The following CTNNA2 variants were observed in gnomAD, a reference collection of about 807,000 sequenced individuals.
CTNNA2 encodes the protein catenin alpha-2.
Under a neutral mutation model 101.0 loss-of-function variants are expected in CTNNA2, and 42 were observed. The observed-to-expected ratio is 0.42, with a 90% CI of 0.32 to 0.54. CTNNA2 has a LOEUF of 0.54. CTNNA2 is among the 20% of genes least tolerant of loss of function. CTNNA2 has a pLI of 0.14. For missense variants in CTNNA2, 871 were observed against 1,223.1 expected (o/e 0.71, Z 4.29); for synonymous variants, 450 against 456.4 (o/e 0.99, Z 0.18).
At position 79,286,361 on chromosome 2, in the gene CTNNA2, T is replaced by C. The variant is rs534139961; in HGVS notation, c.-405-26348T>C. Among the ~76,000 whole-genome samples the C allele has an allele frequency of 1.0e-3, 158 of 152,324 alleles. 1 individual carries two copies. The highest frequency in any genetic ancestry group is 3.6e-3 in the African/African-American group (149 of 41,568). On this transcript the variant is annotated intron_variant, in intron 2 of 21. Transcript: ENST00000466387. ...TTCTTCCTAGTCTTGATGGTCTTTATATTTTGGCATGATTTTGCAGCGGCT... is the reference window on the plus strand; with the variant it reads ...TTCTTCCTAGTCTTGATGGTCTTTACATTTTGGCATGATTTTGCAGCGGCT...
intron 7 of CTNNA2, among the ~76,000 whole-genome samples, chr2:80,153,495 G>A (rs574869091): frequency 2.4e-4 from 36 of 152,266 alleles, no homozygotes; most frequent in Admixed American, 8.5e-4. Context: ...CGTTGGCCTC[G>A]TTTGAAAGGA....
chr2:80,355,305 A>G (rs1219900720), intron 7 of CTNNA2, among the ~76,000 whole-genome samples: 4 of 152,210 alleles, frequency 2.6e-5, no homozygotes, highest in African/African-American at 4.8e-5. Flanking sequence ...AGATGTAAGC[A>G]GAAGCCATCT....
At chr2:79,605,397 A>G (rs1677819095) in intron 1 of CTNNA2, among the ~76,000 whole-genome samples, 2 of 152,178 alleles carry the variant, frequency 1.3e-5, no homozygotes, top group African/African-American at 4.8e-5. Flanking sequence ...TAATAGCTAG[A>G]AATATTCTGA....
At chr2:80,640,145 A>G (rs1381235157) in intron 18 of CTNNA2, among the ~76,000 whole-genome samples, 3 of 152,178 alleles carry the variant, frequency 2.0e-5, no homozygotes, top group Non-Finnish European at 4.4e-5. Flanking sequence ...ACAATATTTG[A>G]TAGCTAACAA....
intron 7 of CTNNA2, among the ~76,000 whole-genome samples, chr2:80,278,868 T>A (rs1014135650): frequency 6.6e-6 from 1 of 152,060 alleles, no homozygotes; most frequent in Non-Finnish European, 1.5e-5. Context: ...CTTGGAAAGC[T>A]GAGGCAGGAG....
chr2:80,258,189 T>G (rs1431974329), intron 7 of CTNNA2, among the ~76,000 whole-genome samples: 1 of 152,224 alleles, frequency 6.6e-6, no homozygotes, highest in Non-Finnish European at 1.5e-5. Flanking sequence ...GTTCTTTATG[T>G]CAGCTCTATG....
chr2:80,086,715 T>A (rs1026475418), intron 7 of CTNNA2, among the ~76,000 whole-genome samples: 2 of 125,032 alleles, frequency 1.6e-5, no homozygotes, highest in African/African-American at 6.0e-5. Context: ...ATGTGTAGAT[T>A]GGGGTGAAGC....
rs1303734343 is a variant in CTNNA2 at position 79,871,368 on chromosome 2, A to G, written c.585+1433A>G. On this transcript the variant is annotated intron_variant, in intron 5 of 18. Transcript: ENST00000402739. ...ATTCCTTGTTGAAAGGGAATCTTGT[A>G]TGGTAGCCCAATGTGTAATATAAAC... 3.3e-5 allele frequency among the ~76,000 whole-genome samples: 5 copies of G among 152,318 alleles called. No homozygotes were observed. In the East Asian group the frequency reaches 9.7e-4, roughly 29 times the overall value.
At chr2:79,688,588 A>G (rs1475324896) in intron 2 of CTNNA2, among the ~76,000 whole-genome samples, 1 of 152,110 alleles carries the variant, frequency 6.6e-6, no homozygotes, top group East Asian at 1.9e-4. Context: ...TTTGTTCCAG[A>G]TGAATTATCT....
chr2:79,441,196 G>A (rs1438368151), intron 4 of CTNNA2, among the ~76,000 whole-genome samples: 1 of 152,174 alleles, frequency 6.6e-6, no homozygotes, highest in Non-Finnish European at 1.5e-5. Context: ...TACAAGGAAT[G>A]TATGTTGCTG....
intron 3 of CTNNA2, among the ~76,000 whole-genome samples, chr2:79,852,363 A>G (rs899754963): frequency 7.2e-5 from 11 of 152,192 alleles, no homozygotes; most frequent in Admixed American, 5.9e-4. Context: ...GTAAATTACC[A>G]TGGAAGGTAT....
chr2:80,457,960 C>G (rs953043130), intron 9 of CTNNA2, among the ~76,000 whole-genome samples: 1 of 152,132 alleles, frequency 6.6e-6, no homozygotes, highest in African/African-American at 2.4e-5. Context: ...TTTAGTTCAT[C>G]GAACAGACTA....
intron 9 of CTNNA2, among the ~76,000 whole-genome samples, chr2:80,446,278 C>A (rs1436081014): frequency 6.6e-6 from 1 of 152,082 alleles, no homozygotes; most frequent in Non-Finnish European, 1.5e-5. Context: ...ATTCATTATG[C>A]CCCAGGTAAG....
At chr2:80,118,321 T>C (rs912264801) in intron 7 of CTNNA2, among the ~76,000 whole-genome samples, 4 of 152,224 alleles carry the variant, frequency 2.6e-5, no homozygotes, top group East Asian at 1.9e-4. Context: ...CAAGTCGTCA[T>C]TGGAATGGAG....
At chr2:79,540,162 G>C (rs1157796073) in intron 1 of CTNNA2, among the ~76,000 whole-genome samples, 1 of 152,082 alleles carries the variant, frequency 6.6e-6, no homozygotes, top group Non-Finnish European at 1.5e-5. Flanking sequence ...ATGAGTAAGA[G>C]AAAAAGGATC....
intron 7 of CTNNA2, among the ~76,000 whole-genome samples, chr2:80,365,332 A>G (rs557677927): frequency 2.0e-5 from 3 of 152,314 alleles, no homozygotes; most frequent in Non-Finnish European, 4.4e-5. Flanking sequence ...TTCACTGTTG[A>G]CATGCTGACA....
At chr2:79,893,990 TTTCTTCTTC>T (rs60336887) in intron 6 of CTNNA2, among the ~76,000 whole-genome samples, 8,027 of 114,648 alleles carry the variant, frequency 0.07, 421 homozygotes, top group Middle Eastern at 0.12. Flanking sequence ...CTTAGGCTGT[TTTCTTCTTC>T]TTCTTCTTCT....
intron 3 of CTNNA2, among the ~76,000 whole-genome samples, chr2:79,828,867 A>C (rs142932781): frequency 6.6e-6 from 1 of 152,292 alleles, no homozygotes; most frequent in East Asian, 1.9e-4. Flanking sequence ...GGTGATTCTG[A>C]TGCACTCTTA....
In CTNNA2 at chr2:79,874,232, CAGG is replaced by C; in HGVS notation, c.746_748del (p.Glu249del). On this transcript the variant is annotated inframe_deletion, in exon 6 of 19. Transcript: ENST00000402739. ...CCGAGATTATGTGTTCAAACAAGTC[CAGG>C]AGGCCATCGCCGGCATCTCCAATGC... 6.2e-7 allele frequency: 1 copy of C among 1,614,100 alleles called. No homozygotes were observed. Among genetic ancestry groups the C allele is most frequent in the Non-Finnish European group, 8.5e-7 (1 of 1,180,042 alleles).
Sources: allele counts gnomAD v4.1 joint callset (sites outside exome capture counted in the v4.1 genomes callset), GRCh38; gene constraint gnomAD v4.1.1; transcripts MANE v1.5; gene names NCBI Gene and HGNC (gene_info 2026-07-23, HGNC 2026-07-21).